The following ADGB variants were observed in gnomAD, a reference collection of about 807,000 sequenced individuals.
The protein encoded by ADGB is androglobin.
A neutral mutation model predicts 210.5 loss-of-function variants in ADGB; 172 were observed. The observed-to-expected ratio is 0.82, with a 90% CI of 0.72 to 0.93. The LOEUF (loss-of-function observed/expected upper bound fraction) is 0.93, where lower values mean the gene tolerates loss of function less well. Ranked by LOEUF, ADGB falls within the 40% of genes least tolerant of loss-of-function variation. The probability of loss-of-function intolerance (pLI) is 0.00; values close to 1 mark genes in which losing one functional copy is unlikely to be tolerated. For synonymous variants in ADGB, 658 were observed against 662.7 expected (o/e 0.99, Z 0.11); for missense variants, 2,025 against 1,964.8 (o/e 1.03, Z -0.58).
rs201602421 is a variant in ADGB at position 146,680,741 on chromosome 6, A to G, written c.1216+4300A>G. 4.6e-5 allele frequency among the ~76,000 whole-genome samples: 7 copies of G among 152,314 alleles called. No homozygotes were observed. The East Asian group carries it at 9.7e-4, about 21-fold the overall frequency. On this transcript the variant is annotated intron_variant, in intron 9 of 35. Transcript: ENST00000397944. ...ATCTACTGTTAGCAAGATATTTCAA[A>G]TAAGAAATGAGTTCAGGGAAGAATT... is the stretch of plus-strand genomic sequence containing the variant.
intron 33 of ADGB, among the ~76,000 whole-genome samples, chr6:146,797,860 A>G (rs183261582): frequency 6.6e-6 from 1 of 152,262 alleles, no homozygotes; most frequent in African/African-American, 2.4e-5. Flanking sequence ...AATCACCACT[A>G]AAGAATTTAT....
intron 13 of ADGB, 65 bp downstream of exon 13, chr6:146,701,135 T>C: frequency 6.7e-7 from 1 of 1,483,090 alleles, no homozygotes; most frequent in Non-Finnish European, 9.2e-7. Context: ...CCTTACATTG[T>C]GAAACATACT....
intron 35 of ADGB, chr6:146,803,545 A>G (rs1478134104): frequency 6.3e-6 from 10 of 1,582,598 alleles, no homozygotes; most frequent in East Asian, 2.2e-5. Context: ...AGTTTGTCCA[A>G]CTGTTCTATT....
At chr6:146,684,939 T>A (rs369618115) in intron 9 of ADGB, among the ~76,000 whole-genome samples, 2 of 152,090 alleles carry the variant, frequency 1.3e-5, no homozygotes, top group Non-Finnish European at 2.9e-5. Flanking sequence ...TTTTCATATC[T>A]CCATTCTAGA....
intron 16 of ADGB, among the ~76,000 whole-genome samples, chr6:146,718,851 T>C (rs367915058): frequency 6.6e-6 from 1 of 152,062 alleles, no homozygotes; most frequent in African/African-American, 2.4e-5. Flanking sequence ...CCTCTGAAAA[T>C]AAGAATAGTG....
intron 33 of ADGB, among the ~76,000 whole-genome samples, chr6:146,788,814 G>A (rs1391586094): frequency 6.6e-6 from 1 of 152,058 alleles, no homozygotes; most frequent in Non-Finnish European, 1.5e-5. Context: ...GACAAAAGTG[G>A]GCAAAAGCCC....
At chr6:146,705,061 T>C (rs762111768) in intron 13 of ADGB, among the ~76,000 whole-genome samples, 22 of 152,120 alleles carry the variant, frequency 1.4e-4, no homozygotes, top group Non-Finnish European at 2.9e-4. Flanking sequence ...TTCAATTTAT[T>C]CCTAAATATG....
rs1776224066 is a variant in ADGB, at chr6:146,685,790, T to C, written c.1273T>C (p.Tyr425His). 6.5e-7 allele frequency: 1 copy of C among 1,541,716 alleles called. No homozygotes were observed. Among genetic ancestry groups the C allele is most frequent in the Non-Finnish European group, 8.8e-7 (1 of 1,142,652 alleles). The change falls in exon 10 of 36, where the codon TAT becomes CAT. Residue 425 changes from tyrosine to histidine, a missense_variant. Coordinates refer to ENST00000397944, the MANE Select transcript of ADGB (RefSeq NM_024694.4). The part of the protein sequence containing the change: ...MVVYATFTPL[Y>H]LFENKIFSLE... ...CGTATATGCGACATTTACACCTCTTTATTTGTTTGAAAACAAGATCTTTTC... is the reference window on the plus strand; with the variant it reads ...CGTATATGCGACATTTACACCTCTTCATTTGTTTGAAAACAAGATCTTTTC...
intron 1 of ADGB, among the ~76,000 whole-genome samples, chr6:146,606,054 G>C (rs1490962441): frequency 1.3e-5 from 2 of 152,072 alleles, no homozygotes; most frequent in Non-Finnish European, 2.9e-5. Flanking sequence ...CAATGTATAA[G>C]CATCCTCTTT....
chr6:146,639,892 G>A (rs1447398203), intron 2 of ADGB: 1 of 151,920 alleles, frequency 6.6e-6, no homozygotes, highest in Non-Finnish European at 1.5e-5. Context: ...AATGCTAGCA[G>A]AAGACGAGAA....
rs1776891699 is a variant in ADGB at position 146,726,147 on chromosome 6, G to T, written c.2302G>T (p.Val768Leu). The T allele has an allele frequency of 6.5e-7, 1 of 1,549,774 alleles. No individual in the cohort carries two copies. Among genetic ancestry groups the T allele is most frequent in the Non-Finnish European group, 8.7e-7 (1 of 1,145,222 alleles). The change falls in exon 19 of 36, where the codon GTG (valine) becomes TTG (leucine). Residue 768 changes from valine (V) to leucine (L), a missense_variant. Transcript: ENST00000397944. ...ACACTCCATACACATCTGCAGCATGGTGTCATTTGTCATTGGGGATGAACA... is the reference window on the plus strand; with the variant it reads ...ACACTCCATACACATCTGCAGCATGTTGTCATTTGTCATTGGGGATGAACA... Reference protein sequence around the residue: ...VGHSIHICSMVSFVIGDEHVV... With the variant: ...VGHSIHICSMLSFVIGDEHVV...
chr6:146,790,325 T>A (rs925857364), intron 33 of ADGB, among the ~76,000 whole-genome samples: 1 of 152,146 alleles, frequency 6.6e-6, no homozygotes. Flanking sequence ...TTGACCAACA[T>A]TTTCCCTTTC....
At chr6:146,622,584 CAA>C (rs1780910915) in intron 1 of ADGB, among the ~76,000 whole-genome samples, 1 of 152,110 alleles carries the variant, frequency 6.6e-6, no homozygotes, top group Non-Finnish European at 1.5e-5. Flanking sequence ...AGTATTTGAT[CAA>C]ATAGCTTGCC....
intron 26 of ADGB, among the ~76,000 whole-genome samples, chr6:146,747,389 T>C (rs558548736): frequency 6.6e-6 from 1 of 152,290 alleles, no homozygotes; most frequent in South Asian, 2.1e-4. Flanking sequence ...GTCTAAAAAG[T>C]GAAATTTAAC....
chr6:146,756,631 G>A (rs185554131), intron 27 of ADGB, among the ~76,000 whole-genome samples: 20 of 151,804 alleles, frequency 1.3e-4, no homozygotes, highest in Admixed American at 4.6e-4. Context: ...AATTGTGCTC[G>A]CTAAACATAA....
At chr6:146,696,683 G>A (rs1363322715) in intron 12 of ADGB, among the ~76,000 whole-genome samples, 1 of 152,090 alleles carries the variant, frequency 6.6e-6, no homozygotes, top group Non-Finnish European at 1.5e-5. Context: ...TTGTTTTACT[G>A]CTTTGGTGAG....
intron 35 of ADGB, among the ~76,000 whole-genome samples, chr6:146,806,163 C>T (rs1238733680): frequency 6.6e-6 from 1 of 152,082 alleles, no homozygotes; most frequent in Non-Finnish European, 1.5e-5. Context: ...TGTGTAATAA[C>T]CAAATAAATG....
At chr6:146,669,900 A>C (rs1031171113) in intron 7 of ADGB, among the ~76,000 whole-genome samples, 1 of 152,044 alleles carries the variant, frequency 6.6e-6, no homozygotes, top group African/African-American at 2.4e-5. Flanking sequence ...CAACCTCCTA[A>C]ACTGCACCAT....
chr6:146,771,456 G>A (rs113229203), intron 29 of ADGB, among the ~76,000 whole-genome samples: 7 of 151,386 alleles, frequency 4.6e-5, no homozygotes, highest in African/African-American at 1.5e-4. Context: ...TGTTTTTCCC[G>A]TCAGGTTGCC....
Sources: allele counts gnomAD v4.1 joint callset (sites outside exome capture counted in the v4.1 genomes callset), GRCh38; gene constraint gnomAD v4.1.1; transcripts MANE v1.5; gene names NCBI Gene and HGNC (gene_info 2026-07-23, HGNC 2026-07-21).